HS3ST4: variants seen among roughly 807,000 people sequenced by gnomAD.
The protein encoded by HS3ST4 is heparan sulfate glucosamine 3-O-sulfotransferase 4.
Under a neutral mutation model 29.2 loss-of-function variants are expected in HS3ST4, and 17 were observed. The observed-to-expected ratio is 0.58, with a 90% CI of 0.40 to 0.87. The LOEUF (loss-of-function observed/expected upper bound fraction) is 0.87, where lower values mean the gene tolerates loss of function less well. HS3ST4 is among the 40% of genes least tolerant of loss of function. The probability of loss-of-function intolerance (pLI) is 0.00; values close to 1 mark genes in which losing one functional copy is unlikely to be tolerated. For missense variants in HS3ST4, 627 were observed against 634.5 expected, an observed-to-expected ratio of 0.99 and a Z score of 0.13; for synonymous variants, 314 against 285.7, an observed-to-expected ratio of 1.10 and a Z score of -1.00.
At chr16:26,058,829 G>A (rs1267405226) in intron 1 of HS3ST4, among the ~76,000 whole-genome samples, 1 of 152,188 alleles carries the variant, frequency 6.6e-6, no homozygotes, top group African/African-American at 2.4e-5. Flanking sequence ...AAAGGGAATA[G>A]GTGAGGTCCT....
rs1298450353 is a variant in HS3ST4 at position 26,032,668 on chromosome 16, C to G, written c.735-102944C>G. Reference sequence around the variant, plus strand: ...TTTTCCCTTTGGGTACCTTCTCTCCCTTCTTTGCAGGGGCCTTTTTAGTCT... The same window carrying G: ...TTTTCCCTTTGGGTACCTTCTCTCCGTTCTTTGCAGGGGCCTTTTTAGTCT... On this transcript the variant is annotated intron_variant, in intron 1 of 1. Transcript: ENST00000331351. 3.7e-6 allele frequency: 5 copies of G among 1,361,580 alleles called. No individual in the cohort carries two copies. In the African/African-American group the frequency reaches 7.1e-5, roughly 19 times the overall value. The allele number at this position is 1,361,580 out of a possible 1,614,324, so 84.3% of individuals were successfully genotyped here.
At chr16:26,128,958 T>G (rs1186171270) in intron 1 of HS3ST4, among the ~76,000 whole-genome samples, 1 of 152,220 alleles carries the variant, frequency 6.6e-6, no homozygotes, top group Non-Finnish European at 1.5e-5. Flanking sequence ...ATGCACCATT[T>G]GTTCCACTGG....
chr16:25,692,505 C>G lies in HS3ST4; in HGVS notation c.88C>G (p.Pro30Ala). The G allele has an allele frequency of 7.1e-7, 1 of 1,412,924 alleles. No individual in the cohort carries two copies. The highest frequency in any genetic ancestry group is 9.3e-7 in the Non-Finnish European group (1 of 1,070,542). The allele number at this position is 1,412,924 out of a possible 1,614,324, so 87.5% of individuals were successfully genotyped here. A position where few individuals can be genotyped will look rare whatever the true frequency, so the allele number is the denominator to read the frequency against. ...PPPPGASAKG[P>A]PARKLLFMCT... The stretch of plus-strand genomic sequence containing the variant: ...GCCGCCCGGCGCCTCTGCTAAGGGG[C>G]CGCCGGCGCGCAAGCTGCTTTTTAT... Residue 30 changes from proline (P) to alanine (A), a missense_variant, in exon 1 of 2, where the codon CCG becomes GCG. Physicochemically the swap from Pro to Ala is conservative, Grantham distance 27 (BLOSUM62 -1). Coordinates refer to ENST00000331351, the MANE Select transcript of HS3ST4 (RefSeq NM_006040.3).
At chr16:26,131,990 T>C (rs901917038) in intron 1 of HS3ST4, among the ~76,000 whole-genome samples, 2 of 152,168 alleles carry the variant, frequency 1.3e-5, no homozygotes, top group African/African-American at 2.4e-5. Context: ...TTGGAACAAA[T>C]CTTTAGCTTC....
intron 1 of HS3ST4, among the ~76,000 whole-genome samples, chr16:25,942,497 T>C (rs2141692904): frequency 6.6e-6 from 1 of 152,272 alleles, no homozygotes; most frequent in African/African-American, 2.4e-5. Flanking sequence ...AAACAGCACT[T>C]TCATCACCCC....
intron 1 of HS3ST4, among the ~76,000 whole-genome samples, chr16:25,706,359 A>C (rs1966375877): frequency 6.6e-6 from 1 of 152,016 alleles, no homozygotes; most frequent in Non-Finnish European, 1.5e-5. Flanking sequence ...TTGTCTGCCT[A>C]ACATGCTTTC....
intron 1 of HS3ST4, among the ~76,000 whole-genome samples, chr16:25,770,837 C>T (rs1207799033): frequency 1.3e-5 from 2 of 152,290 alleles, no homozygotes; most frequent in East Asian, 3.9e-4. Context: ...CCATATCATA[C>T]TATTAATCAT....
At chr16:25,924,584 C>T (rs1968384812) in intron 1 of HS3ST4, among the ~76,000 whole-genome samples, 1 of 152,204 alleles carries the variant, frequency 6.6e-6, no homozygotes, top group South Asian at 2.1e-4. Context: ...AACCCATTTT[C>T]ATATGTTACC....
chr16:26,026,946 T>A (rs892749619), intron 1 of HS3ST4, among the ~76,000 whole-genome samples: 2 of 152,200 alleles, frequency 1.3e-5, no homozygotes, highest in Admixed American at 1.3e-4. Context: ...ATCCGTAGGC[T>A]AAGCATTTGG....
intron 1 of HS3ST4, among the ~76,000 whole-genome samples, chr16:26,004,483 G>C (rs1254971619): frequency 1.3e-5 from 2 of 152,044 alleles, no homozygotes. Context: ...AAGGTAAAAG[G>C]GCCCTCAAAT....
At chr16:25,737,748 C>G (rs1966620213) in intron 1 of HS3ST4, among the ~76,000 whole-genome samples, 1 of 152,070 alleles carries the variant, frequency 6.6e-6, no homozygotes, top group Admixed American at 6.6e-5. Context: ...AATAAAGAAA[C>G]AATGTATACA....
At chr16:25,920,753 C>T (rs140727345) in intron 1 of HS3ST4, among the ~76,000 whole-genome samples, 3 of 151,670 alleles carry the variant, frequency 2.0e-5, no homozygotes, top group African/African-American at 2.4e-5. Context: ...AGGCATGCAC[C>T]AGCATGCCTG....
At chr16:26,002,941 ATTTT>A (rs138032844) in intron 1 of HS3ST4, among the ~76,000 whole-genome samples, 36 of 138,942 alleles carry the variant, frequency 2.6e-4, no homozygotes, top group South Asian at 4.5e-4. Flanking sequence ...GCATTCTTAC[ATTTT>A]TTTTTTTTTT....
At chr16:25,734,632 C>T (rs975647108) in intron 1 of HS3ST4, among the ~76,000 whole-genome samples, 5 of 152,140 alleles carry the variant, frequency 3.3e-5, no homozygotes, top group Non-Finnish European at 1.5e-5. Context: ...AACATTCTGG[C>T]CACAATCATG....
chr16:25,865,555 T>G (rs1967685571), intron 1 of HS3ST4, among the ~76,000 whole-genome samples: 1 of 152,216 alleles, frequency 6.6e-6, no homozygotes, highest in African/African-American at 2.4e-5. Flanking sequence ...GGCATCACAC[T>G]ACCTGATTTA....
chr16:25,881,413 T>C (rs1967895111), intron 1 of HS3ST4, among the ~76,000 whole-genome samples: 1 of 152,140 alleles, frequency 6.6e-6, no homozygotes, highest in Non-Finnish European at 1.5e-5. Context: ...CAGTGTTTAT[T>C]AGACATGTAA....
chr16:25,821,695 G>A lies in HS3ST4; in HGVS notation c.734+128544G>A, dbSNP rs555361798. ...TAATCCTAGCACTTTGGGAGGACGA[G>A]GAGGGTGGATTGCCTGAGCTCAGGA... On this transcript the variant is annotated intron_variant, in intron 1 of 1. Transcript: ENST00000331351. 7.9e-5 allele frequency among the ~76,000 whole-genome samples: 12 copies of A among 152,280 alleles called. No homozygotes were observed. The South Asian group carries it at 2.5e-3, about 32-fold the overall frequency.
At chr16:25,886,223 G>A (rs1194446012) in intron 1 of HS3ST4, among the ~76,000 whole-genome samples, 1 of 151,806 alleles carries the variant, frequency 6.6e-6, no homozygotes, top group Non-Finnish European at 1.5e-5. Context: ...AGTAGAGATG[G>A]GGTTTCACCA....
At chr16:26,050,848 A>C (rs1041382873) in intron 1 of HS3ST4, among the ~76,000 whole-genome samples, 3 of 152,230 alleles carry the variant, frequency 2.0e-5, no homozygotes, top group Admixed American at 6.5e-5. Context: ...TGCCATTCAG[A>C]GAATCCTTGC....
Sources: gnomAD v4.1 joint callset for allele counts (sites outside exome capture counted in the v4.1 genomes callset) on GRCh38, gnomAD v4.1.1 for gene constraint, MANE v1.5 for transcripts, NCBI Gene and HGNC (gene_info 2026-07-23, HGNC 2026-07-21) for gene names.